The following KIF6 variants were observed in gnomAD, a reference collection of about 807,000 sequenced individuals.
KIF6 encodes the protein kinesin-like protein KIF6.
A neutral mutation model predicts 112.7 loss-of-function variants in KIF6; 106 were observed. The observed-to-expected ratio is 0.94, with a 90% CI of 0.80 to 1.11. The LOEUF is 1.11. Among genes scored for constraint, KIF6 ranks in the 50% least tolerant of loss-of-function variants. The pLI, the probability that KIF6 is intolerant of heterozygous loss-of-function variation, is 0.00. For missense variants in KIF6, 929 were observed against 964.0 expected (o/e 0.96, Z 0.48); for synonymous variants, 339 against 339.9 (o/e 1.00, Z 0.03).
intron 16 of KIF6, among the ~76,000 whole-genome samples, chr6:39,372,950 T>C (rs1161063280): frequency 6.6e-6 from 1 of 152,212 alleles, no homozygotes; most frequent in East Asian, 1.9e-4. Flanking sequence ...GGGAAAGTCT[T>C]ACCCAACTCC....
rs183660175 is a variant in KIF6, at chr6:39,423,860, C to G, written c.1755-3857G>C. Among the ~76,000 whole-genome samples the G allele has an allele frequency of 3.2e-3, 488 of 152,280 alleles. 2 individuals are homozygous for G. Among genetic ancestry groups the G allele is most frequent in the Non-Finnish European group, 4.8e-3 (329 of 68,026 alleles). On this transcript the variant is annotated intron_variant, in intron 14 of 22. Coordinates refer to ENST00000287152, the MANE Select transcript of KIF6 (RefSeq NM_145027.6). ...CTGCCTGAGAGCAGAACGCTGCCAT[C>G]TCTCCCAGATTATTGCAACCACTGC...
In KIF6 at chr6:39,357,258, C is replaced by A. The variant is rs78761242; in HGVS notation, c.2180+19G>T. ...CCTTTTCTGGGAACTCTAACACCTC[C>A]GGTGAGTTCTCACCTTACCTTTTGT... On this transcript the variant is annotated intron_variant, in intron 19 of 22. Transcript: ENST00000287152. 6.5e-7 allele frequency: 1 copy of A among 1,546,096 alleles called. No individual in the cohort carries two copies.
intron 13 of KIF6, among the ~76,000 whole-genome samples, chr6:39,523,103 T>C (rs947037320): frequency 6.6e-6 from 1 of 152,212 alleles, no homozygotes; most frequent in Non-Finnish European, 1.5e-5. Context: ...CCTACTTTTC[T>C]TGGAAAATGG....
chr6:39,490,379 T>C (rs1259296552), intron 13 of KIF6, among the ~76,000 whole-genome samples: 1 of 152,186 alleles, frequency 6.6e-6, no homozygotes, highest in Non-Finnish European at 1.5e-5. Context: ...CATTAACACA[T>C]CTTTATTGGT....
intron 15 of KIF6, among the ~76,000 whole-genome samples, chr6:39,398,886 G>A (rs529927398): frequency 4.2e-4 from 64 of 152,312 alleles, no homozygotes; most frequent in African/African-American, 1.3e-3. Context: ...TAGTCTAGAG[G>A]TTGCTTTTAG....
intron 16 of KIF6, among the ~76,000 whole-genome samples, chr6:39,384,822 C>T (rs1190770914): frequency 3.3e-5 from 5 of 152,148 alleles, no homozygotes; most frequent in Non-Finnish European, 7.3e-5. Context: ...TCCCAGCTAG[C>T]TGGAGAGGAA....
chr6:39,629,389 C>A (rs781718888), intron 5 of KIF6, among the ~76,000 whole-genome samples: 3 of 151,996 alleles, frequency 2.0e-5, no homozygotes, highest in Non-Finnish European at 4.4e-5. Flanking sequence ...TGGTATATCA[C>A]TGTTTTAATT....
At chr6:39,709,486 C>T (rs1789410279) in intron 3 of KIF6, among the ~76,000 whole-genome samples, 1 of 152,206 alleles carries the variant, frequency 6.6e-6, no homozygotes, top group South Asian at 2.1e-4. Context: ...GCTCCCTCCA[C>T]CAGCACTCAC....
chr6:39,496,958 T>C (rs978232757), intron 13 of KIF6, among the ~76,000 whole-genome samples: 1 of 152,240 alleles, frequency 6.6e-6, no homozygotes, highest in African/African-American at 2.4e-5. Context: ...ATTAATTGCT[T>C]GGGTCACAAA....
intron 12 of KIF6, 48 bp downstream of exon 12, chr6:39,544,507 T>G: frequency 6.3e-7 from 1 of 1,578,022 alleles, no homozygotes; most frequent in South Asian, 1.2e-5. Context: ...TGTTTACCCC[T>G]TTCAAACCAG....
intron 15 of KIF6, among the ~76,000 whole-genome samples, chr6:39,409,706 C>G (rs149913170): frequency 6.6e-6 from 1 of 152,180 alleles, no homozygotes; most frequent in African/African-American, 2.4e-5. Flanking sequence ...AAACTGAGGC[C>G]GTCTCCATGC....
At chr6:39,501,222 C>A (rs546286326) in intron 13 of KIF6, among the ~76,000 whole-genome samples, 27 of 152,194 alleles carry the variant, frequency 1.8e-4, no homozygotes, top group African/African-American at 6.3e-4. Context: ...AGAGCAGACT[C>A]CCAGCAAACC....
rs143657366 is a variant in KIF6, at chr6:39,343,758, C to T, written c.2379G>A (p.Ser793=). The T allele has an allele frequency of 4.1e-4, 654 of 1,613,090 alleles. 2 individuals are homozygous for T. In the African/African-American group the frequency reaches 7.0e-3, roughly 17 times the overall value. ...TGGCCTTGATGAAGGCGATGATGTC[C>T]GAGTCCGTCTGGCTGTCTCCGGTGA... ...IPLTGDSQTD[S]DIIAFIKARQ... Residue 793 remains serine, a synonymous_variant, in exon 22 of 23, where the codon TCG becomes TCA. Coordinates refer to ENST00000287152, the MANE Select transcript of KIF6 (RefSeq NM_145027.6). The surrounding 1 kb of genome is among the most constrained non-coding windows in gnomAD (Gnocchi z 4.1).
intron 12 of KIF6, among the ~76,000 whole-genome samples, chr6:39,541,349 C>A (rs1778774770): frequency 6.6e-6 from 1 of 152,186 alleles, no homozygotes; most frequent in South Asian, 2.1e-4. Flanking sequence ...CATGTACTTA[C>A]CAAAAATGTT....
intron 10 of KIF6, among the ~76,000 whole-genome samples, chr6:39,550,733 T>C (rs1410161418): frequency 6.6e-6 from 1 of 152,184 alleles, no homozygotes; most frequent in Non-Finnish European, 1.5e-5. Flanking sequence ...CTTGTATTAA[T>C]TATACCAAAT....
chr6:39,363,460 G>A (rs894465099), intron 16 of KIF6, among the ~76,000 whole-genome samples: 3 of 151,906 alleles, frequency 2.0e-5, no homozygotes, highest in Admixed American at 6.5e-5. Context: ...TGCTGATGCC[G>A]ACCTCTGTCT....
chr6:39,725,097 G>A, intron 1 of KIF6, 148 bp downstream of exon 1: 1 of 577,564 alleles, frequency 1.7e-6, no homozygotes, highest in South Asian at 2.3e-5. Flanking sequence ...CGGCTGCAGG[G>A]CTCCTCGGTC....
chr6:39,519,909 C>T (rs966565804), intron 13 of KIF6, among the ~76,000 whole-genome samples: 1 of 152,118 alleles, frequency 6.6e-6, no homozygotes, highest in South Asian at 2.1e-4. Context: ...GTAGTCCCAG[C>T]TACTCCGGAG....
chr6:39,707,112 T>A (rs1457821330), intron 3 of KIF6, among the ~76,000 whole-genome samples: 2 of 152,218 alleles, frequency 1.3e-5, no homozygotes, highest in Non-Finnish European at 2.9e-5. Context: ...ATGTGTATAG[T>A]TCTATGCCGT....
Sources: gnomAD v4.1 joint callset for allele counts (sites outside exome capture counted in the v4.1 genomes callset) on GRCh38, gnomAD v4.1.1 for gene constraint, Gnocchi (gnomAD v3.1) non-coding constraint, MANE v1.5 for transcripts, NCBI Gene and HGNC (gene_info 2026-07-23, HGNC 2026-07-21) for gene names.